SRPK2: variants seen among roughly 807,000 people sequenced by gnomAD.
SRPK2 encodes the protein SFRS protein kinase 2.
A neutral mutation model predicts 90.8 loss-of-function variants in SRPK2; 21 were observed. That is an observed-to-expected ratio of 0.23 (90% CI 0.16 to 0.33). The LOEUF is 0.33. Among genes scored for constraint, SRPK2 ranks in the 10% least tolerant of loss-of-function variants. The probability of loss-of-function intolerance (pLI) is 1.00; values close to 1 mark genes in which losing one functional copy is unlikely to be tolerated. For missense variants in SRPK2, 620 were observed against 869.0 expected, an observed-to-expected ratio of 0.71 and a Z score of 3.60; for synonymous variants, 288 against 311.1, an observed-to-expected ratio of 0.93 and a Z score of 0.78.
chr7:105,300,179 G>A (rs1810355722), intron 2 of SRPK2, among the ~76,000 whole-genome samples: 1 of 146,958 alleles, frequency 6.8e-6, no homozygotes, highest in South Asian at 2.1e-4. Flanking sequence ...CTTCAACTCG[G>A]GAGGCAGAGG....
chr7:105,328,138 C>T (rs1050235994), intron 2 of SRPK2, among the ~76,000 whole-genome samples: 39 of 152,288 alleles, frequency 2.6e-4, no homozygotes, highest in African/African-American at 8.9e-4. Flanking sequence ...GGGAGACATA[C>T]AAATGACTCT....
chr7:105,207,291 T>C (rs1796336105), intron 2 of SRPK2, among the ~76,000 whole-genome samples: 1 of 152,276 alleles, frequency 6.6e-6, no homozygotes, highest in Admixed American at 6.5e-5. Flanking sequence ...TGTGTGCCAC[T>C]GGGCCTGGCC....
At chr7:105,363,566 T>C (rs1391725444) in intron 2 of SRPK2, among the ~76,000 whole-genome samples, 4 of 152,164 alleles carry the variant, frequency 2.6e-5, no homozygotes, top group East Asian at 1.9e-4. Context: ...AGGAACACTT[T>C]TACACGGTTG....
At chr7:105,289,491 G>C (rs1808658425) in intron 2 of SRPK2, among the ~76,000 whole-genome samples, 1 of 152,074 alleles carries the variant, frequency 6.6e-6, no homozygotes, top group Admixed American at 6.5e-5. Flanking sequence ...AGACTATTAA[G>C]TGTGCGGCAG....
intron 6 of SRPK2, among the ~76,000 whole-genome samples, chr7:105,165,370 A>C (rs1789903197): frequency 1.3e-5 from 2 of 152,188 alleles, no homozygotes; most frequent in African/African-American, 4.8e-5. Flanking sequence ...AAAGATAACT[A>C]GTATTAGTGA....
At chr7:105,357,678 AG>A (rs1406949275) in intron 2 of SRPK2, among the ~76,000 whole-genome samples, 1 of 151,940 alleles carries the variant, frequency 6.6e-6, no homozygotes, top group Non-Finnish European at 1.5e-5. Context: ...CAGGAGGCGG[AG>A]GTTACAGTGA....
chr7:105,256,815 C>A (rs1585391277), intron 2 of SRPK2, among the ~76,000 whole-genome samples: 2 of 152,238 alleles, frequency 1.3e-5, no homozygotes, highest in East Asian at 3.8e-4. Flanking sequence ...GTCATCATCT[C>A]CAGTTTCTGT....
intron 2 of SRPK2, among the ~76,000 whole-genome samples, chr7:105,319,958 T>G (rs1442705412): frequency 6.6e-6 from 1 of 152,046 alleles, no homozygotes; most frequent in Non-Finnish European, 1.5e-5. Context: ...ACTCGCGAAT[T>G]GTTCACTGCT....
intron 2 of SRPK2, among the ~76,000 whole-genome samples, chr7:105,357,162 G>A (rs975715266): frequency 8.6e-5 from 13 of 151,452 alleles, no homozygotes; most frequent in African/African-American, 2.2e-4. Context: ...TCAGCCTCCC[G>A]GGTAGCTGGG....
At chr7:105,143,367 T>C (rs1488924221) in intron 9 of SRPK2, 37 bp from the exon 10 acceptor site, 1 of 1,592,510 alleles carries the variant, frequency 6.3e-7, no homozygotes, top group Non-Finnish European at 8.5e-7. Flanking sequence ...GTATTCTTCT[T>C]TTTAAAGCAC....
At position 105,170,895 on chromosome 7, in the gene SRPK2, GAAA is replaced by G. The variant is rs1563025731; in HGVS notation, c.230-1633_230-1631del. Among the ~76,000 whole-genome samples the G allele has an allele frequency of 1.4e-3, 105 of 74,914 alleles. 1 individual carries two copies. Among genetic ancestry groups the G allele is most frequent in the Admixed American group, 3.5e-3 (22 of 6,202 alleles). The allele number at this position is 74,914 out of a possible 152,430, so 49.1% of individuals were successfully genotyped here. On this transcript the variant is annotated intron_variant, in intron 3 of 15. Coordinates refer to ENST00000393651, the MANE Select transcript of SRPK2 (RefSeq NM_182692.3). ...AGAAAGAAAGAAAGAAAGAAAGAAA[GAAA>G]GAAAGAAAGAAAGAAAGGAGAAAGA...
intron 2 of SRPK2, among the ~76,000 whole-genome samples, chr7:105,336,461 AT>A (rs140779391): frequency 0.021 from 3,132 of 152,272 alleles, 106 homozygotes; most frequent in African/African-American, 0.071. Context: ...TCAAACATGT[AT>A]ATGTACCAGT....
intron 2 of SRPK2, among the ~76,000 whole-genome samples, chr7:105,371,308 GA>G (rs112092702): frequency 1.8e-4 from 26 of 144,688 alleles, no homozygotes; most frequent in Middle Eastern, 3.6e-3. Context: ...GGAACATGGT[GA>G]AAAAAAAAAA....
chr7:105,302,207 T>C (rs1465330357), intron 2 of SRPK2: 1 of 764,852 alleles, frequency 1.3e-6, no homozygotes, highest in East Asian at 2.5e-5. Context: ...GTATGTTTCT[T>C]ACATTAAAAA....
At chr7:105,269,094 C>G in intron 2 of SRPK2, 1 of 1,174,396 alleles carries the variant, frequency 8.5e-7, no homozygotes, top group Non-Finnish European at 1.1e-6. Flanking sequence ...GCAGGAAGTA[C>G]CATTTCTTTA....
intron 3 of SRPK2, among the ~76,000 whole-genome samples, chr7:105,190,891 C>G (rs1428065490): frequency 6.6e-6 from 1 of 152,208 alleles, no homozygotes; most frequent in Non-Finnish European, 1.5e-5. Flanking sequence ...ACTGTTTCTA[C>G]TAATAATGCC....
chr7:105,297,756 T>C (rs1810015036), intron 2 of SRPK2, among the ~76,000 whole-genome samples: 1 of 112,458 alleles, frequency 8.9e-6, no homozygotes, highest in Admixed American at 8.8e-5. Flanking sequence ...TTTTTTTTTT[T>C]TTTGAGACGG....
At chr7:105,168,773 G>GTGTT (rs1554434058) in intron 4 of SRPK2, among the ~76,000 whole-genome samples, 2 of 149,988 alleles carry the variant, frequency 1.3e-5, no homozygotes, top group African/African-American at 4.9e-5. Flanking sequence ...GTGTGTGTGT[G>GTGTT]TGTGTGTGTA....
At chr7:105,257,487 A>C (rs1803493327) in intron 2 of SRPK2, among the ~76,000 whole-genome samples, 2 of 152,216 alleles carry the variant, frequency 1.3e-5, no homozygotes, top group Admixed American at 1.3e-4. Flanking sequence ...ATTACACTGA[A>C]TCAAATACTG....
Sources: gnomAD v4.1 joint callset for allele counts (sites outside exome capture counted in the v4.1 genomes callset) on GRCh38, gnomAD v4.1.1 for gene constraint, MANE v1.5 for transcripts, NCBI Gene and HGNC (gene_info 2026-07-23, HGNC 2026-07-21) for gene names.